Variants in ADTRP observed in about 807,000 individuals in gnomAD.
ADTRP encodes androgen-dependent TFPI-regulating protein.
In ADTRP, 20 loss-of-function variants were observed where a neutral mutation model predicts 27.0. The ratio of observed to expected loss-of-function variants is 0.74; its 90% CI spans 0.52 to 1.08. The LOEUF is 1.08. Ranked by LOEUF, ADTRP falls within the 50% of genes least tolerant of loss-of-function variation. ADTRP has a pLI of 0.00. For missense variants in ADTRP, 251 were observed against 275.0 expected (o/e 0.91, Z 0.62); for synonymous variants, 101 against 105.2 (o/e 0.96, Z 0.25).
intron 5 of ADTRP, among the ~76,000 whole-genome samples, chr6:11,715,607 G>C: frequency 6.9e-6 from 1 of 145,692 alleles, no homozygotes; most frequent in African/African-American, 2.6e-5. Flanking sequence ...ATTTCACGTT[G>C]TTTTCATTGG....
intron 4 of ADTRP, among the ~76,000 whole-genome samples, chr6:11,731,957 C>T (rs554503671): frequency 7.9e-5 from 12 of 152,292 alleles, no homozygotes; most frequent in Non-Finnish European, 1.3e-4. Context: ...GCAGAAGGAA[C>T]ATTTCTATTT....
At chr6:11,761,329 A>C (rs2113316181) in intron 3 of ADTRP, among the ~76,000 whole-genome samples, 1 of 152,244 alleles carries the variant, frequency 6.6e-6, no homozygotes, top group East Asian at 1.9e-4. Context: ...CCCCACTGGG[A>C]TGTGTGTATA....
intron 5 of ADTRP, 67 bp downstream of exon 5, chr6:11,723,282 T>A: frequency 6.4e-7 from 1 of 1,566,928 alleles, no homozygotes; most frequent in Non-Finnish European, 8.7e-7. Flanking sequence ...TTCTTTCTGT[T>A]TCCAGGTGAA....
intron 5 of ADTRP, among the ~76,000 whole-genome samples, chr6:11,717,928 C>T (rs1343050951): frequency 5.9e-5 from 9 of 152,216 alleles, no homozygotes; most frequent in Admixed American, 3.3e-4. Flanking sequence ...GTGGAGTCAT[C>T]GCATGATAAA....
At chr6:11,769,327 T>G (rs549655181) in intron 1 of ADTRP, among the ~76,000 whole-genome samples, 7 of 152,070 alleles carry the variant, frequency 4.6e-5, no homozygotes, top group Non-Finnish European at 8.8e-5. Context: ...GGAGCTGGGC[T>G]GGGGATTGAT....
chr6:11,768,759 G>A (rs1362010074), intron 1 of ADTRP, among the ~76,000 whole-genome samples: 1 of 152,148 alleles, frequency 6.6e-6, no homozygotes, highest in Non-Finnish European at 1.5e-5. Flanking sequence ...GATACAGGGT[G>A]GACAGAGTCA....
chr6:11,757,072 T>C (rs979323612), intron 3 of ADTRP, among the ~76,000 whole-genome samples: 14 of 152,206 alleles, frequency 9.2e-5, no homozygotes, highest in African/African-American at 2.7e-4. Flanking sequence ...GCATTTTAAG[T>C]GTGTATCAGA....
chr6:11,756,034 C>G (rs966616834), intron 3 of ADTRP, among the ~76,000 whole-genome samples: 2 of 152,176 alleles, frequency 1.3e-5, no homozygotes, highest in Non-Finnish European at 2.9e-5. Context: ...TTTTCTCTTT[C>G]TCATGTAGAC....
chr6:11,750,968 C>T (rs967457594), intron 3 of ADTRP, among the ~76,000 whole-genome samples: 1 of 152,360 alleles, frequency 6.6e-6, no homozygotes, highest in Admixed American at 6.5e-5. Context: ...TCTCCTGCCT[C>T]AAGCTCTCAA....
At chr6:11,776,769 C>G (rs999055338) in intron 1 of ADTRP, among the ~76,000 whole-genome samples, 1 of 152,156 alleles carries the variant, frequency 6.6e-6, no homozygotes, top group Non-Finnish European at 1.5e-5. Context: ...AGACCAGCCT[C>G]CCAGGGAGAG....
In ADTRP at chr6:11,713,739, CTA is replaced by C. The variant is rs527330484; in HGVS notation, c.*737_*738del. 1.5e-3 allele frequency: 229 copies of C among 152,258 alleles called. 1 individual carries two copies. The highest frequency in any genetic ancestry group is 5.0e-3 in the African/African-American group (209 of 41,550). 9.4% of individuals were successfully genotyped at this position (152,258 alleles called of 1,614,324 possible). The stretch of plus-strand genomic sequence containing the variant: ...AATGGAAGAGGTTTTGACAATGTCA[CTA>C]TGTTTGATGTTTATACCTGCCCTGA... On this transcript the variant is annotated 3_prime_UTR_variant, in exon 6 of 6. Transcript: ENST00000414691.
rs757072071 is a variant in ADTRP, at chr6:11,713,908, A to G, written c.*570T>C. 1 of 152,276 alleles carries G rather than the reference A, an allele frequency of 6.6e-6. No individual in the cohort carries two copies. Among genetic ancestry groups the G allele is most frequent in the Non-Finnish European group, 1.5e-5 (1 of 68,108 alleles). The allele number at this position is 152,276 out of a possible 1,614,324, so 9.4% of individuals were successfully genotyped here. On this transcript the variant is annotated 3_prime_UTR_variant, in exon 6 of 6. Coordinates refer to ENST00000414691, the MANE Select transcript of ADTRP (RefSeq NM_032744.4). ...CCCTACATTTTTAGATCACTGAAAAAAATGGATGAGCAACCCATGAAAATA... is the reference window on the plus strand; with the variant it reads ...CCCTACATTTTTAGATCACTGAAAAGAATGGATGAGCAACCCATGAAAATA...
intron 2 of ADTRP, among the ~76,000 whole-genome samples, chr6:11,766,826 G>C (rs1394766955): frequency 6.6e-6 from 1 of 152,168 alleles, no homozygotes; most frequent in Non-Finnish European, 1.5e-5. Context: ...AGAACCATAA[G>C]TGCCAATCTC....
At chr6:11,744,895 G>T (rs1353607387) in intron 3 of ADTRP, among the ~76,000 whole-genome samples, 1 of 152,174 alleles carries the variant, frequency 6.6e-6, no homozygotes, top group Non-Finnish European at 1.5e-5. Flanking sequence ...TCAAGTAAGG[G>T]CTCAGAGTGT....
At chr6:11,760,438 A>C (rs567507174) in intron 3 of ADTRP, among the ~76,000 whole-genome samples, 4 of 152,236 alleles carry the variant, frequency 2.6e-5, no homozygotes. Context: ...ACGACACTGC[A>C]CTGGGTTTCC....
chr6:11,772,972 A>C (rs1195278204), intron 1 of ADTRP, among the ~76,000 whole-genome samples: 1 of 152,236 alleles, frequency 6.6e-6, no homozygotes, highest in African/African-American at 2.4e-5. Context: ...TGCTTGGCCA[A>C]TGTCGCATAG....
At chr6:11,773,938 C>T (rs1763866666) in intron 1 of ADTRP, among the ~76,000 whole-genome samples, 1 of 152,178 alleles carries the variant, frequency 6.6e-6, no homozygotes, top group Non-Finnish European at 1.5e-5. Flanking sequence ...TCTCTCAGTC[C>T]TTACCCTTTC....
rs55961408 is a variant in ADTRP, at chr6:11,715,806, C to CT, written c.659-1295dup. 2.8e-3 allele frequency among the ~76,000 whole-genome samples: 214 copies of CT among 77,686 alleles called. 3 individuals are homozygous for CT. Among genetic ancestry groups the CT allele is most frequent in the Non-Finnish European group, 3.9e-3 (179 of 45,520 alleles). 51.0% of individuals were successfully genotyped at this position (77,686 alleles called of 152,430 possible). On this transcript the variant is annotated intron_variant, in intron 5 of 5. Transcript: ENST00000414691. ...TAGAGGTGCACACCACCATGCCCAG[C>CT]TTTTTTTTTTTTTTTTTTTTTTTTT... is the stretch of plus-strand genomic sequence containing the variant.
At chr6:11,738,074 G>C (rs2235415) in intron 3 of ADTRP, among the ~76,000 whole-genome samples, 9,266 of 152,240 alleles carry the variant, frequency 0.061, 815 homozygotes, top group East Asian at 0.47. Context: ...GGGGATTGAC[G>C]TGAGTGCGTG....
Sources: allele counts gnomAD v4.1 joint callset (sites outside exome capture counted in the v4.1 genomes callset), GRCh38; gene constraint gnomAD v4.1.1; transcripts MANE v1.5; gene names NCBI Gene and HGNC (gene_info 2026-07-23, HGNC 2026-07-21).